NSMAF: variants seen among roughly 807,000 people sequenced by gnomAD.
NSMAF encodes the protein protein FAN.
In NSMAF, 90 loss-of-function variants were observed where a neutral mutation model predicts 134.9. The ratio of observed to expected loss-of-function variants is 0.67; its 90% confidence interval spans 0.56 to 0.79. The LOEUF is 0.79. Among genes scored for constraint, NSMAF ranks in the 30% least tolerant of loss-of-function variants. The pLI, the probability that NSMAF is intolerant of heterozygous loss-of-function variation, is 0.00. For missense variants in NSMAF, 1,010 were observed against 1,119.0 expected (o/e 0.90, Z 1.39); for synonymous variants, 358 against 389.6 (o/e 0.92, Z 0.96).
intron 1 of NSMAF, among the ~76,000 whole-genome samples, chr8:58,649,215 A>G (rs1175989398): frequency 1.3e-5 from 2 of 152,206 alleles, no homozygotes; most frequent in Admixed American, 6.5e-5. Context: ...TGACTGCCCT[A>G]CTGGGTTTCA....
intron 6 of NSMAF, among the ~76,000 whole-genome samples, chr8:58,628,386 T>C (rs1806984368): frequency 6.6e-6 from 1 of 152,192 alleles, no homozygotes; most frequent in African/African-American, 2.4e-5. Flanking sequence ...GTTATAATAA[T>C]CTCTTTTAAT....
intron 5 of NSMAF, 152 bp downstream of exon 5, chr8:58,635,037 T>C: frequency 1.5e-6 from 1 of 654,174 alleles, no homozygotes; most frequent in South Asian, 2.1e-5. Flanking sequence ...GGATCACATC[T>C]TTTTAAAACT....
At chr8:58,641,039 A>G (rs886161085) in intron 2 of NSMAF, among the ~76,000 whole-genome samples, 1 of 152,146 alleles carries the variant, frequency 6.6e-6, no homozygotes, top group Non-Finnish European at 1.5e-5. Flanking sequence ...CTCCTGCCTC[A>G]GTCTCCCAAG....
At chr8:58,635,432 T>C (rs776450250) in intron 3 of NSMAF, 36 bp downstream of exon 3, 3 of 1,569,924 alleles carry the variant, frequency 1.9e-6, no homozygotes, top group South Asian at 1.2e-5. Context: ...ACACAAAAAA[T>C]AGGAATGTTT....
At chr8:58,612,198 A>C (rs1268890253) in intron 9 of NSMAF, among the ~76,000 whole-genome samples, 1 of 152,180 alleles carries the variant, frequency 6.6e-6, no homozygotes, top group Non-Finnish European at 1.5e-5. Flanking sequence ...CCCTGATGAG[A>C]GGCTTAGAGC....
intron 19 of NSMAF, 113 bp downstream of exon 19, chr8:58,599,119 A>C (rs1806212923): frequency 9.6e-7 from 1 of 1,043,022 alleles, no homozygotes; most frequent in Non-Finnish European, 1.4e-6. Context: ...AATAAGACTA[A>C]TTGCTTTGGC....
At chr8:58,592,859 C>T (rs1037084695) in intron 23 of NSMAF, among the ~76,000 whole-genome samples, 1 of 151,712 alleles carries the variant, frequency 6.6e-6, no homozygotes, top group Non-Finnish European at 1.5e-5. Flanking sequence ...TGCCCTCCAG[C>T]CTGGGCGACG....
intron 23 of NSMAF, among the ~76,000 whole-genome samples, chr8:58,592,907 ACAACAACAAC>A (rs1806050286): frequency 3.3e-5 from 4 of 119,858 alleles, no homozygotes; most frequent in East Asian, 2.7e-4. Flanking sequence ...AAAAACAAAA[ACAACAACAAC>A]AAAAAAAAAA....
chr8:58,643,080 T>C lies in NSMAF; in HGVS notation c.60-7A>G. ...AAGCAGCAGCAAGGAAAATCTGGAT[T>C]TGGGGCGAAAAAACAACTTTCAGTT... is the stretch of plus-strand genomic sequence containing the variant. On this transcript the variant is annotated splice_polypyrimidine_tract_variant and splice_region_variant and intron_variant, in intron 1 of 30. Coordinates refer to ENST00000038176, the MANE Select transcript of NSMAF (RefSeq NM_003580.4). The C allele has an allele frequency of 6.2e-7, 1 of 1,612,070 alleles. No homozygotes were observed. Among genetic ancestry groups the C allele is most frequent in the Non-Finnish European group, 8.5e-7 (1 of 1,178,184 alleles).
chr8:58,632,461 C>T (rs1371254806), intron 5 of NSMAF, among the ~76,000 whole-genome samples: 2 of 152,220 alleles, frequency 1.3e-5, no homozygotes, highest in African/African-American at 2.4e-5. Context: ...CTTCTCAGAG[C>T]ATGTGACAGA....
chr8:58,630,795 G>GAGAT, intron 6 of NSMAF, among the ~76,000 whole-genome samples: 1 of 152,310 alleles, frequency 6.6e-6, no homozygotes, highest in South Asian at 2.1e-4. Flanking sequence ...TGCCGCCTAA[G>GAGAT]AGATTGCAGA....
intron 1 of NSMAF, among the ~76,000 whole-genome samples, chr8:58,658,339 C>T (rs114344372): frequency 1.1e-3 from 164 of 152,330 alleles, no homozygotes; most frequent in African/African-American, 3.8e-3. Context: ...AACCTAATCA[C>T]ATCACCAAAA....
rs560348854 is a variant in NSMAF at position 58,614,451 on chromosome 8, G to A, written c.558-4718C>T. ...AGCAGGCCTGAGTTACGGCCACCTG[G>A]GTGCCATAGTGAAGGTTATAGGATA... On this transcript the variant is annotated intron_variant, in intron 9 of 30. Coordinates refer to ENST00000038176, the MANE Select transcript of NSMAF (RefSeq NM_003580.4). 5.9e-5 allele frequency among the ~76,000 whole-genome samples: 9 copies of A among 152,298 alleles called. No individual in the cohort carries two copies. In the South Asian group the frequency reaches 1.9e-3, roughly 32 times the overall value.
At chr8:58,659,482 C>T in intron 1 of NSMAF, 91 bp downstream of exon 1, 1 of 1,495,414 alleles carries the variant, frequency 6.7e-7, no homozygotes, top group Non-Finnish European at 8.9e-7. Flanking sequence ...GGCCCCCACG[C>T]CGCCTCCCGT....
chr8:58,632,180 G>C (rs1464454313), intron 5 of NSMAF, among the ~76,000 whole-genome samples: 1 of 152,016 alleles, frequency 6.6e-6, no homozygotes, highest in East Asian at 1.9e-4. Flanking sequence ...ATATTCAAAA[G>C]CTTTGCTCTT....
chr8:58,642,191 T>G (rs1201390969), intron 2 of NSMAF, among the ~76,000 whole-genome samples: 2 of 152,218 alleles, frequency 1.3e-5, no homozygotes, highest in Non-Finnish European at 2.9e-5. Context: ...AGGATAAACC[T>G]GAAGAATAAT....
At chr8:58,592,877 A>C (rs1362006188) in intron 23 of NSMAF, among the ~76,000 whole-genome samples, 1 of 150,014 alleles carries the variant, frequency 6.7e-6, no homozygotes, top group Non-Finnish European at 1.5e-5. Context: ...ACGGAGCAAG[A>C]CTCTGTCTCA....
intron 9 of NSMAF, among the ~76,000 whole-genome samples, chr8:58,619,576 CAT>C (rs1185701840): frequency 6.6e-6 from 1 of 152,058 alleles, no homozygotes; most frequent in Admixed American, 6.6e-5. Context: ...TGGAATTGGT[CAT>C]AGAGTTTAAT....
rs371832389 is a variant in NSMAF at position 58,643,084 on chromosome 8, G to A, written c.60-11C>T. 13 of 1,608,402 alleles carry A rather than the reference G, an allele frequency of 8.1e-6. No homozygotes were observed. Among genetic ancestry groups the A allele is most frequent in the African/African-American group, 1.3e-5 (1 of 74,720 alleles). On this transcript the variant is annotated splice_polypyrimidine_tract_variant and intron_variant, in intron 1 of 30. Coordinates refer to ENST00000038176, the MANE Select transcript of NSMAF (RefSeq NM_003580.4). ...AGCAGCAAGGAAAATCTGGATTTGG[G>A]GCGAAAAAACAACTTTCAGTTTATT...
Sources: allele counts gnomAD v4.1 joint callset (sites outside exome capture counted in the v4.1 genomes callset), GRCh38; gene constraint gnomAD v4.1.1; transcripts MANE v1.5; gene names NCBI Gene and HGNC (gene_info 2026-07-23, HGNC 2026-07-21).